The following NEDD9 variants were observed in gnomAD, a reference collection of about 807,000 sequenced individuals.
NEDD9 encodes enhancer of filamentation 1.
In NEDD9, 26 loss-of-function variants were observed where a neutral mutation model predicts 76.6. The observed-to-expected ratio is 0.34, with a 90% CI of 0.25 to 0.47. NEDD9 has a LOEUF of 0.47. Among genes scored for constraint, NEDD9 ranks in the 20% least tolerant of loss-of-function variants. The probability of loss-of-function intolerance (pLI) is 1.00; values close to 1 mark genes in which losing one functional copy is unlikely to be tolerated. For missense variants in NEDD9, 937 were observed against 1,058.5 expected (o/e 0.89, Z 1.59); for synonymous variants, 392 against 414.2 (o/e 0.95, Z 0.65).
At chr6:11,267,526 T>G (rs1760222721) in intron 3 of NEDD9, among the ~76,000 whole-genome samples, 1 of 152,252 alleles carries the variant, frequency 6.6e-6, no homozygotes, top group African/African-American at 2.4e-5. Flanking sequence ...TATTTTGATA[T>G]TAGAAGAGAA....
intron 4 of NEDD9, among the ~76,000 whole-genome samples, chr6:11,192,107 C>T (rs1758159089): frequency 6.6e-6 from 1 of 152,208 alleles, no homozygotes; most frequent in Non-Finnish European, 1.5e-5. Flanking sequence ...CCTTATTGGC[C>T]ACCTAGTGTT....
chr6:11,311,454 G>A (rs1043444765), intron 2 of NEDD9, among the ~76,000 whole-genome samples: 1 of 152,144 alleles, frequency 6.6e-6, no homozygotes, highest in Non-Finnish European at 1.5e-5. Flanking sequence ...TGAAACGATC[G>A]ATTTCTGTTT....
chr6:11,215,502 T>C (rs956773068), intron 1 of NEDD9, among the ~76,000 whole-genome samples: 1 of 152,238 alleles, frequency 6.6e-6, no homozygotes, highest in African/African-American at 2.4e-5. Flanking sequence ...GTCATAATCC[T>C]AAAATTGTCT....
chr6:11,356,009 C>CAG (rs1762568258), intron 1 of NEDD9, among the ~76,000 whole-genome samples: 5 of 152,180 alleles, frequency 3.3e-5, no homozygotes, highest in Admixed American at 6.5e-5. Context: ...GCGTGAGCCA[C>CAG]CATGCCCGGC....
In NEDD9 at chr6:11,213,296, G is replaced by A. The variant is rs1758839934; in HGVS notation, c.444C>T (p.Pro148=). The A allele has an allele frequency of 2.5e-6, 4 of 1,604,256 alleles. No individual in the cohort carries two copies. The highest frequency in any genetic ancestry group is 3.4e-6 in the Non-Finnish European group (4 of 1,172,648). The change falls in exon 2 of 7, where the codon CCC becomes CCT. Residue 148 remains proline (P), a synonymous_variant. Transcript: ENST00000379446. The surrounding 1 kb of genome is among the most constrained non-coding windows in gnomAD (Gnocchi z 5.4). Reference sequence around the variant, plus strand: ...ATTTACTCACCTTTTTACCCACGTGGGGCCCACTGGTTCCCCCAATGCTTC... The same window carrying A: ...ATTTACTCACCTTTTTACCCACGTGAGGCCCACTGGTTCCCCCAATGCTTC... ...VQRSIGGTSG[P]HVGKKVITPV... is the part of the protein sequence containing the mutation.
intron 3 of NEDD9, among the ~76,000 whole-genome samples, chr6:11,290,927 A>G (rs144848128): frequency 2.0e-5 from 3 of 152,266 alleles, no homozygotes; most frequent in African/African-American, 7.2e-5. Flanking sequence ...TAGACGGTAG[A>G]GTGCCAGTGG....
chr6:11,287,717 G>A (rs1028764408), intron 3 of NEDD9, among the ~76,000 whole-genome samples: 3 of 152,140 alleles, frequency 2.0e-5, no homozygotes, highest in African/African-American at 7.2e-5. Context: ...GAAATCTACT[G>A]CCTCAAGTGC....
At chr6:11,265,038 C>A (rs954832762) in intron 3 of NEDD9, among the ~76,000 whole-genome samples, 2 of 152,162 alleles carry the variant, frequency 1.3e-5, no homozygotes, top group African/African-American at 4.8e-5. Context: ...ATTATAGGGA[C>A]CTTTTAAGAA....
chr6:11,279,081 T>C (rs1433184226), intron 3 of NEDD9, among the ~76,000 whole-genome samples: 3 of 152,224 alleles, frequency 2.0e-5, no homozygotes, highest in African/African-American at 4.8e-5. Context: ...ATATACTTGA[T>C]TGAAGTAAAG....
chr6:11,343,300 G>A (rs551443280), intron 1 of NEDD9, among the ~76,000 whole-genome samples: 57 of 152,074 alleles, frequency 3.7e-4, no homozygotes, highest in African/African-American at 1.3e-3. Flanking sequence ...GTGGTGTCAT[G>A]CGCCTGTAAT....
chr6:11,300,728 A>G (rs1008906409), intron 3 of NEDD9, among the ~76,000 whole-genome samples: 1 of 152,194 alleles, frequency 6.6e-6, no homozygotes, highest in African/African-American at 2.4e-5. Flanking sequence ...TAAAGAAAAG[A>G]ATTTTCAACC....
chr6:11,208,196 C>T (rs1048083518), intron 2 of NEDD9, among the ~76,000 whole-genome samples: 3 of 149,784 alleles, frequency 2.0e-5, no homozygotes, highest in Non-Finnish European at 4.4e-5. Flanking sequence ...AAAAAAAAAG[C>T]CTAGTTTTCC....
At chr6:11,311,522 C>T (rs1441046763) in intron 2 of NEDD9, among the ~76,000 whole-genome samples, 1 of 152,224 alleles carries the variant, frequency 6.6e-6, no homozygotes, top group South Asian at 2.1e-4. Flanking sequence ...CATTAGAATT[C>T]TGCTTACTGA....
At chr6:11,349,465 C>A (rs1337047726) in intron 1 of NEDD9, among the ~76,000 whole-genome samples, 1 of 152,168 alleles carries the variant, frequency 6.6e-6, no homozygotes, top group Non-Finnish European at 1.5e-5. Flanking sequence ...AAGACACATG[C>A]ACATGTTATG....
intron 3 of NEDD9, among the ~76,000 whole-genome samples, chr6:11,253,519 G>A (rs1166734903): frequency 3.9e-5 from 6 of 152,082 alleles, no homozygotes; most frequent in Non-Finnish European, 7.4e-5. Flanking sequence ...AACTCACACC[G>A]CATGGGAATG....
Position 11,310,368 on chromosome 6 carries a change from T to G in NEDD9, c.-152-4213A>C, listed in dbSNP as rs183586725. Among the ~76,000 whole-genome samples, 357 of 152,204 alleles carry G rather than the reference T, an allele frequency of 2.3e-3. 1 individual carries two copies. Among genetic ancestry groups the G allele is most frequent in the African/African-American group, 8.1e-3 (336 of 41,528 alleles). On this transcript the variant is annotated intron_variant, in intron 2 of 3. Transcript: ENST00000397378. ...CCCTACTTCACCCTCCTCTTGCCAA[T>G]ATGCTCAACCTCCTTGCCGTTTGTC...
At chr6:11,284,707 C>T (rs1399112323) in intron 3 of NEDD9, among the ~76,000 whole-genome samples, 1 of 151,158 alleles carries the variant, frequency 6.6e-6, no homozygotes. Context: ...AATATCTACC[C>T]TTTATTGGAT....
At position 11,218,691 on chromosome 6, in the gene NEDD9, G is replaced by T. The variant is rs532751598; in HGVS notation, c.13-4964C>A. 5.3e-5 allele frequency among the ~76,000 whole-genome samples: 8 copies of T among 152,288 alleles called. No homozygotes were observed. In the South Asian group the frequency reaches 6.2e-4, roughly 12 times the overall value. On this transcript the variant is annotated intron_variant, in intron 1 of 6. Coordinates refer to ENST00000379446, the MANE Select transcript of NEDD9 (RefSeq NM_006403.4). ...TGTCTGCAGGGAGGGTGAAATTGTT[G>T]TACTTAGAGAATTCAGCAAGACATT...
chr6:11,292,295 G>A (rs1414021052), intron 3 of NEDD9, among the ~76,000 whole-genome samples: 2 of 152,154 alleles, frequency 1.3e-5, no homozygotes, highest in African/African-American at 2.4e-5. Flanking sequence ...TTTAAGCTTC[G>A]AGGTCACTTT....
Sources: allele counts gnomAD v4.1 joint callset (sites outside exome capture counted in the v4.1 genomes callset), GRCh38; gene constraint gnomAD v4.1.1; non-coding constraint Gnocchi (gnomAD v3.1); transcripts MANE v1.5; gene names NCBI Gene and HGNC (gene_info 2026-07-23, HGNC 2026-07-21).